LZIC: variants seen among roughly 807,000 people sequenced by gnomAD.
The protein encoded by LZIC is protein LZIC.
In LZIC, 28 loss-of-function variants were observed where a neutral mutation model predicts 25.4. The observed-to-expected ratio is 1.10, with a 90% confidence interval of 0.82 to 1.51. The LOEUF (loss-of-function observed/expected upper bound fraction) is 1.51. LZIC is among the 40% of genes most tolerant of loss of function. The pLI, the probability that LZIC is intolerant of heterozygous loss-of-function variation, is 0.00. For synonymous variants in LZIC, 65 were observed against 70.7 expected (o/e 0.92, Z 0.40); for missense variants, 170 against 211.1 (o/e 0.81, Z 1.21).
At chr1:9,922,191 A>T, downstream of LZIC, 2 of 609,684 alleles carry the variant, frequency 3.3e-6, no homozygotes, top group African/African-American at 4.0e-5. Context: ...CTTACATCAT[A>T]TTCTTGTGCT....
chr1:9,940,733 A>C (rs1640688091), intron 2 of LZIC, among the ~76,000 whole-genome samples: 1 of 152,236 alleles, frequency 6.6e-6, no homozygotes, highest in Non-Finnish European at 1.5e-5. Flanking sequence ...AATGACAAAA[A>C]ATTACTACCT....
At chr1:9,942,027 C>A (rs1398700822) in intron 2 of LZIC, among the ~76,000 whole-genome samples, 2 of 152,170 alleles carry the variant, frequency 1.3e-5, no homozygotes, top group African/African-American at 4.8e-5. Flanking sequence ...AGCAATTCTC[C>A]TGCCTCAGCC....
chr1:9,941,885 T>C (rs562636291), intron 2 of LZIC, among the ~76,000 whole-genome samples: 89 of 152,294 alleles, frequency 5.8e-4, no homozygotes, highest in African/African-American at 1.9e-3. Flanking sequence ...ATAATGAGAA[T>C]TGATTGCTTC....
chr1:9,924,430 C>G (rs1223944647), downstream of LZIC, among the ~76,000 whole-genome samples: 1 of 152,130 alleles, frequency 6.6e-6, no homozygotes, highest in Non-Finnish European at 1.5e-5. Flanking sequence ...TCTCAGCTCA[C>G]TGCAACCTCC....
At chr1:9,932,690 A>C in intron 6 of LZIC, 113 bp downstream of exon 6, 5 of 552,966 alleles carry the variant, frequency 9.0e-6, no homozygotes, top group East Asian at 3.6e-5. Context: ...TCTCAGAAAA[A>C]AAAAAAAAAA....
In LZIC at chr1:9,938,464, G is replaced by A. The variant is rs1640554374; in HGVS notation, c.-8-1837C>T. Among the ~76,000 whole-genome samples, 8 of 152,186 alleles carry A rather than the reference G, an allele frequency of 5.3e-5. No homozygotes were observed. In the South Asian group the frequency reaches 1.7e-3, roughly 32 times the overall value. On this transcript the variant is annotated intron_variant, in intron 2 of 7. Coordinates refer to ENST00000377223, the MANE Select transcript of LZIC (RefSeq NM_032368.5). ...GTGTAAGCCCACAAGCCCAGCTGATGAACATCTTTTAATATGAATTTCTTC... is the reference window on the plus strand; with the variant it reads ...GTGTAAGCCCACAAGCCCAGCTGATAAACATCTTTTAATATGAATTTCTTC...
rs1349036908 is a variant in LZIC at position 9,928,959 on chromosome 1, GA to G, written c.*1439del. 2.0e-5 allele frequency: 3 copies of G among 151,832 alleles called. No homozygotes were observed. Among genetic ancestry groups the G allele is most frequent in the African/African-American group, 7.3e-5 (3 of 41,356 alleles). 9.4% of individuals were successfully genotyped at this position (151,832 alleles called of 1,614,324 possible). On this transcript the variant is annotated 3_prime_UTR_variant, in exon 8 of 8. Transcript: ENST00000377223. ...ACATATCATATGATTCCATTTATAT[GA>G]AATATCCAGAATAGGTAAATCCACA...
At chr1:9,942,594 C>A in intron 2 of LZIC, 30 bp downstream of exon 2, 1 of 1,132,828 alleles carries the variant, frequency 8.8e-7, no homozygotes, top group South Asian at 1.3e-5. Flanking sequence ...GACACTATAT[C>A]TGGAGCGGAG....
intron 5 of LZIC, among the ~76,000 whole-genome samples, chr1:9,934,446 A>G (rs946840344): frequency 6.6e-6 from 1 of 152,208 alleles, no homozygotes; most frequent in African/African-American, 2.4e-5. Flanking sequence ...TAGATGAGAT[A>G]GGCTACACAT....
rs2101574297 is a variant in LZIC at position 9,926,428 on chromosome 1, C to T, written c.*3971G>A. 6.6e-6 allele frequency among the ~76,000 whole-genome samples: 1 copy of T among 152,184 alleles called. No homozygotes were observed. The highest frequency in any genetic ancestry group is 2.1e-4 in the South Asian group (1 of 4,820). The stretch of plus-strand genomic sequence containing the variant: ...TAGTCTTTTATTTTTCTAAAGATGA[C>T]CATTCCATGTTTAATGTCTTCAGAG... On this transcript the variant is annotated 3_prime_UTR_variant, in exon 8 of 8. Coordinates refer to ENST00000377223, the MANE Select transcript of LZIC (RefSeq NM_032368.5).
At chr1:9,931,046 GAAAA>G (rs945993531) in intron 7 of LZIC, among the ~76,000 whole-genome samples, 1 of 143,552 alleles carries the variant, frequency 7.0e-6, no homozygotes, top group Non-Finnish European at 1.5e-5. Flanking sequence ...ACATTTCTGT[GAAAA>G]AAAAAAATAA....
chr1:9,942,486 T>C (rs1640802389), intron 2 of LZIC, 138 bp downstream of exon 2: 1 of 331,860 alleles, frequency 3.0e-6, no homozygotes, highest in East Asian at 7.5e-5. Context: ...CTACATTAGT[T>C]GAGATTTATC....
chr1:9,936,802 T>G (rs1057256617), intron 2 of LZIC, among the ~76,000 whole-genome samples, 175 bp from the exon 3 acceptor site: 4 of 152,224 alleles, frequency 2.6e-5, no homozygotes, highest in Non-Finnish European at 5.9e-5. Flanking sequence ...ATTATAGGCA[T>G]AAGCCACCAC....
intron 4 of LZIC, among the ~76,000 whole-genome samples, chr1:9,935,280 T>C (rs1053181342): frequency 1.3e-5 from 2 of 152,022 alleles, no homozygotes; most frequent in Non-Finnish European, 2.9e-5. Context: ...AATACAAAAT[T>C]AGCTGGGTAT....
In LZIC at chr1:9,940,225, G is replaced by A. The variant is rs568252303; in HGVS notation, c.-9+2399C>T. On this transcript the variant is annotated intron_variant, in intron 2 of 7. Coordinates refer to ENST00000377223, the MANE Select transcript of LZIC (RefSeq NM_032368.5). ...AGAGTCTTGCTCTGTCGCCCAGGCT[G>A]GAGTGCAGTGGAGCAATCTCAGCTC... Among the ~76,000 whole-genome samples, 4 of 152,032 alleles carry A rather than the reference G, an allele frequency of 2.6e-5. 1 individual carries two copies. The South Asian group carries it at 8.3e-4, about 32-fold the overall frequency.
At chr1:9,938,026 T>C (rs1344087977) in intron 2 of LZIC, among the ~76,000 whole-genome samples, 1 of 152,042 alleles carries the variant, frequency 6.6e-6, no homozygotes, top group Non-Finnish European at 1.5e-5. Flanking sequence ...TGGTCTATCT[T>C]ACTCTAAACA....
At position 9,929,639 on chromosome 1, in the gene LZIC, C is replaced by T. The variant is rs774898070; in HGVS notation, c.*760G>A. On this transcript the variant is annotated 3_prime_UTR_variant, in exon 8 of 8. Transcript: ENST00000377223. ...ACTTTAGGAAACGCTCAACAGGGCT[C>T]CCATTGTTCCAACCTCAAAATTCCG... 793 of 985,364 alleles carry T rather than the reference C, an allele frequency of 8.0e-4. No homozygotes were observed. The highest frequency in any genetic ancestry group is 1.2e-3 in the Admixed American group (20 of 16,278). 61.0% of individuals were successfully genotyped at this position (985,364 alleles called of 1,614,324 possible).
Position 9,936,466 on chromosome 1 carries a change from G to A in LZIC, c.101+53C>T, listed in dbSNP as rs1001690715. On this transcript the variant is annotated intron_variant, in intron 3 of 7. Transcript: ENST00000377223. ...ACATGGGCCTGCATCCACGGAGCTA[G>A]CTGCAGAAAAAACGCCAGTTTCCAG... 6.0e-6 allele frequency: 7 copies of A among 1,164,476 alleles called. No homozygotes were observed. In the African/African-American group the frequency reaches 9.1e-5, roughly 15 times the overall value. 72.1% of individuals were successfully genotyped at this position (1,164,476 alleles called of 1,614,324 possible).
At chr1:9,933,889 G>A (rs1233422448) in intron 5 of LZIC, among the ~76,000 whole-genome samples, 1 of 149,414 alleles carries the variant, frequency 6.7e-6, no homozygotes, top group Non-Finnish European at 1.5e-5. Context: ...GGGTGACAAA[G>A]TAAGACCCTG....
Sources: allele counts gnomAD v4.1 joint callset (sites outside exome capture counted in the v4.1 genomes callset), GRCh38; gene constraint gnomAD v4.1.1; transcripts MANE v1.5; gene names NCBI Gene and HGNC (gene_info 2026-07-23, HGNC 2026-07-21).